Variants in DOCK11 observed in about 807,000 individuals in gnomAD.
DOCK11 encodes dedicator of cytokinesis protein 11.
Under a neutral mutation model 169.1 loss-of-function variants are expected in DOCK11, and 70 were observed. That is an observed-to-expected ratio of 0.41 (90% CI 0.34 to 0.51). The LOEUF (loss-of-function observed/expected upper bound fraction) is 0.51, where lower values mean the gene tolerates loss of function less well. Among genes scored for constraint, DOCK11 ranks in the 20% least tolerant of loss-of-function variants. The probability of loss-of-function intolerance (pLI) is 0.10; values close to 1 mark genes in which losing one functional copy is unlikely to be tolerated. For synonymous variants in DOCK11, 529 were observed against 541.3 expected, an observed-to-expected ratio of 0.98 and a Z score of 0.32; for missense variants, 1,166 against 1,538.8, an observed-to-expected ratio of 0.76 and a Z score of 4.05.
At chrX:118,654,111 G>C (rs2016009866) in intron 42 of DOCK11, among the ~76,000 whole-genome samples, 1 of 112,430 alleles carries the variant, frequency 8.9e-6, no homozygotes, top group African/African-American at 3.2e-5. Context: ...CAGACTGCCT[G>C]GGTGAAAATC....
chrX:118,621,552 C>T (rs1401574373), intron 31 of DOCK11, among the ~76,000 whole-genome samples: 1 of 112,076 alleles, frequency 8.9e-6, no homozygotes, highest in Non-Finnish European at 1.9e-5. Context: ...AGCCAATTGC[C>T]ACTCCTAAGC....
intron 46 of DOCK11, among the ~76,000 whole-genome samples, chrX:118,673,876 T>C (rs778372035): frequency 9.0e-6 from 1 of 111,562 alleles, no homozygotes; most frequent in Non-Finnish European, 1.9e-5. Context: ...GGATATGTCA[T>C]ATAAAAGGAA....
At chrX:118,514,269 C>T (rs2147314528) in intron 1 of DOCK11, among the ~76,000 whole-genome samples, 1 of 110,258 alleles carries the variant, frequency 9.1e-6, no homozygotes, top group East Asian at 2.8e-4. Context: ...GTCAATTAAA[C>T]CTCTTTCCTT....
chrX:118,604,821 A>C (rs2014452290), intron 23 of DOCK11, among the ~76,000 whole-genome samples: 1 of 110,520 alleles, frequency 9.0e-6, no homozygotes, highest in Non-Finnish European at 1.9e-5. Context: ...CATTCCACTT[A>C]ACTTGTCACC....
intron 51 of DOCK11, among the ~76,000 whole-genome samples, chrX:118,682,068 C>T (rs2016757418): frequency 9.0e-6 from 1 of 111,091 alleles, no homozygotes. Context: ...CAAACACAAG[C>T]CTATGTTCCT....
intron 36 of DOCK11, among the ~76,000 whole-genome samples, chrX:118,637,852 C>G: frequency 9.0e-6 from 1 of 111,176 alleles, no homozygotes; most frequent in Non-Finnish European, 1.9e-5. Flanking sequence ...TTAAACCTGT[C>G]ATTAAAATTG....
At chrX:118,636,938 C>G (rs914324805) in intron 36 of DOCK11, among the ~76,000 whole-genome samples, 13 of 111,189 alleles carry the variant, frequency 1.2e-4, no homozygotes, top group Admixed American at 3.8e-4. Context: ...TATATTTCAT[C>G]CTGAGCTATT....
intron 31 of DOCK11, among the ~76,000 whole-genome samples, chrX:118,620,063 C>A (rs1603125227): frequency 9.0e-6 from 1 of 110,544 alleles, no homozygotes; most frequent in Non-Finnish European, 1.9e-5. Flanking sequence ...TGATCCGCCC[C>A]CCTCAGTCTC....
At chrX:118,528,471 G>A (rs1200429681) in intron 1 of DOCK11, among the ~76,000 whole-genome samples, 3 of 111,683 alleles carry the variant, frequency 2.7e-5, no homozygotes, top group Non-Finnish European at 5.6e-5. Context: ...CTGTCACATT[G>A]AGAGGATAGC....
intron 28 of DOCK11, among the ~76,000 whole-genome samples, chrX:118,612,519 G>T (rs2014708753): frequency 8.9e-6 from 1 of 111,941 alleles, no homozygotes; most frequent in African/African-American, 3.2e-5. Context: ...TGACTTCTGT[G>T]TGGCAATTCA....
rs750458347 is a variant in DOCK11 at position 118,683,166 on chromosome X, G to C, written c.6051G>C (p.Lys2017Asn). ...AAGTTGAGTACCATGAAGGGCTAAA[G>C]TCAAATTTCAGAGACATGGTAAAAG... ...EDQVEYHEGL[K>N]SNFRDMVKEL... The change falls in exon 52 of 53, where the codon AAG (lysine) becomes AAC (asparagine). Residue 2017 changes from lysine to asparagine, a missense_variant. By Grantham distance (94) the Lys-to-Asn change is moderately conservative (BLOSUM62 0). Transcript: ENST00000276202. The C allele has an allele frequency of 1.6e-5, 19 of 1,209,453 alleles. No homozygotes were observed. In the Admixed American group the frequency reaches 3.9e-4, roughly 25 times the overall value.
chrX:118,569,091 CTTTTTTTTTTT>C (rs1186200391), intron 10 of DOCK11, among the ~76,000 whole-genome samples: 2 of 44,991 alleles, frequency 4.4e-5, no homozygotes, highest in Non-Finnish European at 8.2e-5. Flanking sequence ...TCTTTCTTTC[CTTTTTTTTTTT>C]TTTTTTTTTT....
At chrX:118,500,052 C>CTT (rs1196735132) in intron 1 of DOCK11, among the ~76,000 whole-genome samples, 1 of 97,855 alleles carries the variant, frequency 1.0e-5, no homozygotes, top group Non-Finnish European at 2.1e-5. Flanking sequence ...GCTTTCATTG[C>CTT]TTTTTTTTTT....
intron 40 of DOCK11, among the ~76,000 whole-genome samples, chrX:118,648,080 A>AATATAAATTGTAATATTTTACAATATAAT (rs2015821243): frequency 1.7e-5 from 1 of 60,188 alleles, no homozygotes; most frequent in East Asian, 4.5e-4. Flanking sequence ...TAATATATAT[A>AATATAAATTGTAATATTTTACAATATAAT]ATATAAATTG....
At chrX:118,542,653 C>A in intron 1 of DOCK11, 72 bp from the exon 2 acceptor site, 1 of 755,383 alleles carries the variant, frequency 1.3e-6, no homozygotes, top group Non-Finnish European at 2.0e-6. Flanking sequence ...AGTAATGTAT[C>A]TTTAGTACAT....
chrX:118,600,884 T>C lies in DOCK11; in HGVS notation c.2562+1656T>C, dbSNP rs536724755. ...CCAGTGTGGCTGGGACACAGAGTGA[T>C]AGGACATTACCTTGGGGAGGTTGCT... On this transcript the variant is annotated intron_variant, in intron 23 of 52. Transcript: ENST00000276202. Among the ~76,000 whole-genome samples, 9 of 110,844 alleles carry C rather than the reference T, an allele frequency of 8.1e-5. No individual in the cohort carries two copies. The South Asian group carries it at 3.6e-3, about 44-fold the overall frequency.
At position 118,545,870 on chromosome X, in the gene DOCK11, T is replaced by A. The variant is rs1462358697; in HGVS notation, c.463-151T>A. 3 of 429,456 alleles carry A rather than the reference T, an allele frequency of 7.0e-6. No individual in the cohort carries two copies. The East Asian group carries it at 1.1e-4, about 16-fold the overall frequency. The allele number at this position is 429,456 out of a possible 1,213,427, so 35.4% of individuals were successfully genotyped here. The stretch of plus-strand genomic sequence containing the variant: ...GTGCATAGCACAGAGCCTTTCATTC[T>A]ACAGTCAACTATTTTAAATCCTCAC... On this transcript the variant is annotated intron_variant, in intron 5 of 52. Transcript: ENST00000276202.
chrX:118,680,730 T>C, intron 49 of DOCK11, 38 bp downstream of exon 49: 1 of 1,091,776 alleles, frequency 9.2e-7, no homozygotes, highest in Admixed American at 2.5e-5. Context: ...TTATTTGTCT[T>C]GGTCTTTTTC....
chrX:118,652,704 C>T (rs2015974130), intron 42 of DOCK11, among the ~76,000 whole-genome samples: 2 of 111,922 alleles, frequency 1.8e-5, no homozygotes, highest in East Asian at 2.8e-4. Context: ...TGCTTTGTTG[C>T]GTAGAGTGCA....
Sources: gnomAD v4.1 joint callset for allele counts (sites outside exome capture counted in the v4.1 genomes callset) on GRCh38, gnomAD v4.1.1 for gene constraint, MANE v1.5 for transcripts, NCBI Gene and HGNC (gene_info 2026-07-23, HGNC 2026-07-21) for gene names.